The following PMFBP1 variants were observed in gnomAD, a reference collection of about 807,000 sequenced individuals.
PMFBP1 encodes polyamine modulated factor 1 binding protein 1.
Under a neutral mutation model 137.8 loss-of-function variants are expected in PMFBP1, and 131 were observed. The observed-to-expected ratio is 0.95, with a 90% CI of 0.82 to 1.10. The LOEUF (loss-of-function observed/expected upper bound fraction) is 1.10. PMFBP1 is among the 50% of genes least tolerant of loss of function. PMFBP1 has a pLI of 0.00. For synonymous variants in PMFBP1, 490 were observed against 450.4 expected (o/e 1.09, Z -1.11); for missense variants, 1,199 against 1,175.4 (o/e 1.02, Z -0.29).
At chr16:72,130,444 C>G in intron 11 of PMFBP1, 87 bp from the exon 12 acceptor site, 1 of 1,605,778 alleles carries the variant, frequency 6.2e-7, no homozygotes, top group Non-Finnish European at 8.5e-7. Flanking sequence ...AATCCTTGCT[C>G]TCCCACGCCT....
chr16:72,184,159 C>G, the PMFBP1 span, among the ~76,000 whole-genome samples: 1 of 152,180 alleles, frequency 6.6e-6, no homozygotes, highest in Non-Finnish European at 1.5e-5. Flanking sequence ...GAAATGGTCC[C>G]AGGTTCTTCC....
rs368797957 is a variant in PMFBP1, at chr16:72,126,100, C to T, written c.2121G>A (p.Leu707=). 9.9e-6 allele frequency: 16 copies of T among 1,614,026 alleles called. No homozygotes were observed. Among genetic ancestry groups the T allele is most frequent in the African/African-American group, 2.7e-5 (2 of 74,918 alleles). The part of the protein sequence containing the change: ...IALQKESLMS[L]QAQLDKALQK... Reference sequence around the variant, plus strand: ...GCAGAGCTTTGTCCAGCTGGGCCTGCAGGCTCATTAAGGACTCCTTCTGAA... The same window carrying T: ...GCAGAGCTTTGTCCAGCTGGGCCTGTAGGCTCATTAAGGACTCCTTCTGAA... The change falls in exon 15 of 21, where the codon CTG becomes CTA. Residue 707 remains leucine (L), a synonymous_variant. Transcript: ENST00000237353.
the PMFBP1 span, among the ~76,000 whole-genome samples, chr16:72,190,054 C>A: frequency 6.6e-6 from 1 of 152,182 alleles, no homozygotes; most frequent in Non-Finnish European, 1.5e-5. Flanking sequence ...AGGTTCTACA[C>A]TAGCAACGTT....
At chr16:72,216,922 C>G in the PMFBP1 span, among the ~76,000 whole-genome samples, 2 of 152,312 alleles carry the variant, frequency 1.3e-5, no homozygotes, top group African/African-American at 4.8e-5. Context: ...AAGATAACTT[C>G]TTTTAGTTCA....
At chr16:72,176,089 G>C (rs1268362489), upstream of PMFBP1, among the ~76,000 whole-genome samples, 2 of 152,156 alleles carry the variant, frequency 1.3e-5, no homozygotes, top group African/African-American at 4.8e-5. Context: ...TTTTGCCAGG[G>C]TTTGGGGTTC....
the PMFBP1 span, among the ~76,000 whole-genome samples, chr16:72,247,116 C>T: frequency 6.6e-6 from 1 of 152,292 alleles, no homozygotes; most frequent in African/African-American, 2.4e-5. Context: ...TTCATTAATG[C>T]CATTTGCTAG....
chr16:72,236,811 G>A, the PMFBP1 span, among the ~76,000 whole-genome samples: 6 of 152,074 alleles, frequency 3.9e-5, no homozygotes, highest in Admixed American at 2.0e-4. Context: ...ATGGATAGGT[G>A]CTGAAAATAA....
rs137928132 is a variant in PMFBP1, at chr16:72,123,645, C to G, written c.2594G>C (p.Cys865Ser). Residue 865 changes from cysteine (C) to serine (S), a missense_variant, in exon 18 of 21, where the codon TGC becomes TCC. Coordinates refer to ENST00000237353, the MANE Select transcript of PMFBP1 (RefSeq NM_031293.3). ...ENLLEDDKEP[C>S]CLPQWSVPKD... ...GGGCACAGACCACTGGGGCAGGCAG[C>G]AGGGCTTGGGTACAAGAAGAAAACG... 4.1e-5 allele frequency: 66 copies of G among 1,613,254 alleles called. No individual in the cohort carries two copies. The highest frequency in any genetic ancestry group is 5.3e-5 in the Non-Finnish European group (62 of 1,179,520).
the PMFBP1 span, among the ~76,000 whole-genome samples, chr16:72,196,012 TG>T: frequency 2.6e-5 from 4 of 151,096 alleles, no homozygotes; most frequent in Non-Finnish European, 5.9e-5. Flanking sequence ...TGTGTGTGTG[TG>T]TGTGTGTGTG....
the PMFBP1 span, among the ~76,000 whole-genome samples, chr16:72,224,028 C>A: frequency 2.3e-3 from 357 of 152,294 alleles, 3 homozygotes; most frequent in African/African-American, 8.0e-3. Flanking sequence ...TAAACAGACA[C>A]GACCCTGGTC....
At chr16:72,128,988 C>G in intron 13 of PMFBP1, 78 bp downstream of exon 13, 1 of 1,546,020 alleles carries the variant, frequency 6.5e-7, no homozygotes, top group Non-Finnish European at 8.7e-7. Flanking sequence ...CCAGGGCCTC[C>G]GCATCCCTGG....
At position 72,140,396 on chromosome 16, in the gene PMFBP1, A is replaced by G; in HGVS notation, c.807+16T>C. 1.2e-6 allele frequency: 2 copies of G among 1,603,898 alleles called. No homozygotes were observed. Among genetic ancestry groups the G allele is most frequent in the Non-Finnish European group, 1.7e-6 (2 of 1,170,804 alleles). ...TGAGGGTCTCCCAGAGACATGTTCTAGAAGAAGGCACTTACCAAAGCGTTA... is the reference window on the plus strand; with the variant it reads ...TGAGGGTCTCCCAGAGACATGTTCTGGAAGAAGGCACTTACCAAAGCGTTA... On this transcript the variant is annotated intron_variant, in intron 6 of 20. Coordinates refer to ENST00000237353, the MANE Select transcript of PMFBP1 (RefSeq NM_031293.3).
chr16:72,169,680 C>T (rs2043194003), intron 2 of PMFBP1, among the ~76,000 whole-genome samples: 1 of 151,764 alleles, frequency 6.6e-6, no homozygotes, highest in African/African-American at 2.4e-5. Context: ...GATAAACACA[C>T]ACACACACAC....
the PMFBP1 span, among the ~76,000 whole-genome samples, chr16:72,219,684 G>A: frequency 2.6e-5 from 4 of 152,188 alleles, no homozygotes; most frequent in African/African-American, 9.7e-5. Flanking sequence ...GAAATTTGAG[G>A]CTGGCATTCC....
At chr16:72,225,751 A>AATG in the PMFBP1 span, among the ~76,000 whole-genome samples, 2 of 148,128 alleles carry the variant, frequency 1.4e-5, no homozygotes, top group Non-Finnish European at 3.0e-5. Flanking sequence ...TAATAATAAT[A>AATG]AAGCCTCACA....
chr16:72,147,397 G>A (rs2042825323), intron 5 of PMFBP1, among the ~76,000 whole-genome samples: 1 of 152,160 alleles, frequency 6.6e-6, no homozygotes, highest in African/African-American at 2.4e-5. Context: ...AGACTTAAAT[G>A]TAAGACCTAA....
rs1300905646 is a variant in PMFBP1, at chr16:72,136,562, C to G, written c.1089G>C (p.Glu363Asp). Residue 363 changes from glutamate to aspartate, a missense_variant, in exon 9 of 21, where the codon GAG becomes GAC. By Grantham distance (45) the Glu-to-Asp change is conservative. Coordinates refer to ENST00000237353, the MANE Select transcript of PMFBP1 (RefSeq NM_031293.3). ...CCTTCCTCTCAATGTGGGCAGATGT[C>G]TCCTCCCGCAGTCCGTGCAGGTCCA... ...LELDLHGLREETSAHIERKDK... is the reference protein window; with the variant it reads ...LELDLHGLREDTSAHIERKDK... The G allele has an allele frequency of 6.2e-7, 1 of 1,614,020 alleles. No homozygotes were observed. Among genetic ancestry groups the G allele is most frequent in the Non-Finnish European group, 8.5e-7 (1 of 1,179,990 alleles).
intron 9 of PMFBP1, among the ~76,000 whole-genome samples, chr16:72,135,419 G>A (rs1473673990): frequency 2.7e-5 from 4 of 146,836 alleles, no homozygotes; most frequent in Admixed American, 2.1e-4. Flanking sequence ...GTTTCACCCT[G>A]TTGGTCAGGC....
chr16:72,137,816 T>G (rs1478243439), intron 7 of PMFBP1, among the ~76,000 whole-genome samples: 2 of 151,712 alleles, frequency 1.3e-5, no homozygotes, highest in Non-Finnish European at 1.5e-5. Context: ...GGAGAGTTAT[T>G]TGTGTGATTT....
Sources: gnomAD v4.1 joint callset for allele counts (sites outside exome capture counted in the v4.1 genomes callset) on GRCh38, gnomAD v4.1.1 for gene constraint, MANE v1.5 for transcripts, NCBI Gene and HGNC (gene_info 2026-07-23, HGNC 2026-07-21) for gene names.